Variants in TTC17 observed in about 807,000 individuals in gnomAD.
The protein encoded by TTC17 is tetratricopeptide repeat protein 17.
TTC17 carries 58 observed loss-of-function variants against 143.8 expected under a neutral mutation model. The ratio of observed to expected loss-of-function variants is 0.40; its 90% CI spans 0.33 to 0.50. The LOEUF is 0.50. Among genes scored for constraint, TTC17 ranks in the 20% least tolerant of loss-of-function variants. TTC17 has a pLI of 0.49. For synonymous variants in TTC17, 501 were observed against 497.8 expected, an observed-to-expected ratio of 1.01 and a Z score of -0.09; for missense variants, 1,273 against 1,392.5, an observed-to-expected ratio of 0.91 and a Z score of 1.37.
chr11:43,460,265 C>T (rs950508060), intron 21 of TTC17, among the ~76,000 whole-genome samples: 7 of 152,164 alleles, frequency 4.6e-5, no homozygotes, highest in African/African-American at 1.7e-4. Flanking sequence ...TAATACCTTT[C>T]TACAGGTGTT....
chr11:43,428,859 A>C (rs969230222), intron 16 of TTC17, among the ~76,000 whole-genome samples: 1 of 152,194 alleles, frequency 6.6e-6, no homozygotes, highest in East Asian at 1.9e-4. Context: ...TTCTGACTTA[A>C]TCACCTCACC....
At chr11:43,398,234 G>A in intron 8 of TTC17, 121 bp downstream of exon 8, 1 of 1,236,856 alleles carries the variant, frequency 8.1e-7, no homozygotes, top group Non-Finnish European at 1.1e-6. Context: ...CTTCACTACT[G>A]CAAGTCCTAT....
At chr11:43,434,830 A>G (rs929720760) in intron 16 of TTC17, among the ~76,000 whole-genome samples, 1 of 152,226 alleles carries the variant, frequency 6.6e-6, no homozygotes, top group Admixed American at 6.5e-5. Context: ...CCTCCAATGT[A>G]TAATAGTGTA....
intron 16 of TTC17, among the ~76,000 whole-genome samples, chr11:43,415,817 A>G (rs999910292): frequency 7.9e-5 from 12 of 152,144 alleles, no homozygotes; most frequent in South Asian, 2.1e-4. Flanking sequence ...TCTCCCAGCA[A>G]TATACCTCTG....
intron 2 of TTC17, among the ~76,000 whole-genome samples, chr11:43,387,697 A>G (rs1190509965): frequency 6.6e-6 from 1 of 152,090 alleles, no homozygotes; most frequent in African/African-American, 2.4e-5. Flanking sequence ...ATGGTGAAGC[A>G]CACACTAACT....
At chr11:43,443,662 T>G in intron 17 of TTC17, 78 bp downstream of exon 17, 1 of 1,521,588 alleles carries the variant, frequency 6.6e-7, no homozygotes, top group South Asian at 1.3e-5. Flanking sequence ...GTGGGAAGTT[T>G]CTGTTGGATA....
intron 16 of TTC17, among the ~76,000 whole-genome samples, chr11:43,425,976 A>T (rs550149575): frequency 6.6e-6 from 1 of 152,316 alleles, no homozygotes; most frequent in East Asian, 1.9e-4. Flanking sequence ...TTAATAACCC[A>T]GTCAGGTCAC....
In TTC17 at chr11:43,439,916, G is replaced by A. The variant is rs13377337; in HGVS notation, c.2252-3409G>A. The stretch of plus-strand genomic sequence containing the variant: ...TGTGAACTCATATAAACCTCACTGT[G>A]GATGCTCACATTCTCTCCAACTTCA... On this transcript the variant is annotated intron_variant, in intron 16 of 23. Coordinates refer to ENST00000039989, the MANE Select transcript of TTC17 (RefSeq NM_018259.6). Among the ~76,000 whole-genome samples the A allele has an allele frequency of 7.9e-3, 1,208 of 152,230 alleles. 15 individuals are homozygous for A. Among genetic ancestry groups the A allele is most frequent in the African/African-American group, 0.028 (1,172 of 41,518 alleles).
chr11:43,369,935 T>C, intron 1 of TTC17: 3 of 353,580 alleles, frequency 8.5e-6, no homozygotes, highest in East Asian at 8.2e-5. Context: ...TCAAAAATAC[T>C]GTACAAGTAC....
chr11:43,446,691 T>G (rs1461066166), intron 18 of TTC17: 23 of 984,668 alleles, frequency 2.3e-5, no homozygotes, highest in Non-Finnish European at 2.8e-5. Context: ...GTTCGTAAAT[T>G]CCTATAATAT....
At chr11:43,395,257 C>G (rs1461886334) in intron 5 of TTC17, 1 of 152,140 alleles carries the variant, frequency 6.6e-6, no homozygotes, top group African/African-American at 2.4e-5. Context: ...CCCGCCACCA[C>G]GCCCGGCAAA....
At chr11:43,405,401 TTAAGA>T in intron 11 of TTC17, 108 bp from the exon 12 acceptor site, 1 of 793,026 alleles carries the variant, frequency 1.3e-6, no homozygotes, top group Non-Finnish European at 2.1e-6. Flanking sequence ...TACCATAATC[TTAAGA>T]TATTATAGTT....
intron 16 of TTC17, among the ~76,000 whole-genome samples, chr11:43,428,686 C>G (rs1214386978): frequency 3.3e-5 from 5 of 152,208 alleles, no homozygotes; most frequent in Non-Finnish European, 7.3e-5. Flanking sequence ...GCTCTAAATT[C>G]TTGGGCAAAG....
At chr11:43,406,650 A>G (rs1858150420) in intron 13 of TTC17, among the ~76,000 whole-genome samples, 1 of 152,132 alleles carries the variant, frequency 6.6e-6, no homozygotes, top group Non-Finnish European at 1.5e-5. Context: ...AAAAAACATT[A>G]TGTGCCAGAC....
intron 16 of TTC17, among the ~76,000 whole-genome samples, chr11:43,424,518 C>G (rs1169864933): frequency 6.6e-6 from 1 of 152,040 alleles, no homozygotes; most frequent in Non-Finnish European, 1.5e-5. Flanking sequence ...GCCTGTAACC[C>G]CAGCACTTTG....
intron 18 of TTC17, among the ~76,000 whole-genome samples, chr11:43,445,217 A>C (rs1947515163): frequency 6.6e-6 from 1 of 152,202 alleles, no homozygotes; most frequent in Non-Finnish European, 1.5e-5. Context: ...CATTTTTTTC[A>C]CATTTCAATA....
Position 43,398,015 on chromosome 11 carries a change from C to T in TTC17, c.960C>T (p.His320=), listed in dbSNP as rs779419834. ...EYNHSVLCYD[H]ALQARPGFEQ... ...ACCACTCAGTGCTCTGTTATGACCA[C>T]GCTTTGCAGGCCAGACCTGGGTTTG... is the stretch of plus-strand genomic sequence containing the variant. Residue 320 remains histidine, a synonymous_variant, in exon 8 of 24, where the codon CAC becomes CAT. Transcript: ENST00000039989. 5.6e-6 allele frequency: 9 copies of T among 1,613,502 alleles called. No individual in the cohort carries two copies. Among genetic ancestry groups the T allele is most frequent in the Non-Finnish European group, 7.6e-6 (9 of 1,179,874 alleles).
At chr11:43,372,095 A>G (rs566736791) in intron 1 of TTC17, among the ~76,000 whole-genome samples, 397 of 152,302 alleles carry the variant, frequency 2.6e-3, no homozygotes, top group Non-Finnish European at 3.6e-3. Flanking sequence ...GAAAGAAAAA[A>G]TGTATATATT....
At chr11:43,385,046 A>G (rs929480657) in intron 2 of TTC17, among the ~76,000 whole-genome samples, 4 of 152,214 alleles carry the variant, frequency 2.6e-5, no homozygotes, top group African/African-American at 7.2e-5. Flanking sequence ...GGATATAAGT[A>G]TGTTTATATC....
Sources: gnomAD v4.1 joint callset for allele counts (sites outside exome capture counted in the v4.1 genomes callset) on GRCh38, gnomAD v4.1.1 for gene constraint, MANE v1.5 for transcripts, NCBI Gene and HGNC (gene_info 2026-07-23, HGNC 2026-07-21) for gene names.